Variants in KAZN observed in about 807,000 individuals in gnomAD.
KAZN encodes kazrin.
KAZN carries 40 observed loss-of-function variants against 87.4 expected under a neutral mutation model. The ratio of observed to expected loss-of-function variants is 0.46; its 90% CI spans 0.36 to 0.60. KAZN has a LOEUF of 0.60. KAZN is among the 20% of genes least tolerant of loss of function. The pLI is 0.00. For synonymous variants in KAZN, 466 were observed against 458.3 expected (o/e 1.02, Z -0.22); for missense variants, 898 against 1,073.9 (o/e 0.84, Z 2.29).
intron 2 of KAZN, among the ~76,000 whole-genome samples, chr1:14,297,243 C>A (rs975690437): frequency 6.6e-6 from 1 of 152,136 alleles, no homozygotes; most frequent in African/African-American, 2.4e-5. Flanking sequence ...CAAATCATTG[C>A]CTTGGTTAAA....
chr1:14,744,503 A>G (rs1572377858), intron 1 of KAZN, among the ~76,000 whole-genome samples: 1 of 152,054 alleles, frequency 6.6e-6, no homozygotes, highest in East Asian at 1.9e-4. Context: ...CTGAGGTAGG[A>G]CAGTCACTTG....
At chr1:14,026,044 A>T (rs1641056243) in intron 1 of KAZN, among the ~76,000 whole-genome samples, 1 of 152,196 alleles carries the variant, frequency 6.6e-6, no homozygotes, top group Non-Finnish European at 1.5e-5. Flanking sequence ...CATAATTATG[A>T]ATGTAAAACT....
intron 1 of KAZN, among the ~76,000 whole-genome samples, chr1:13,916,550 G>T (rs1467333404): frequency 6.6e-6 from 1 of 152,190 alleles, no homozygotes; most frequent in African/African-American, 2.4e-5. Context: ...GGCCAGGACG[G>T]GGTCCCTGTG....
intron 2 of KAZN, among the ~76,000 whole-genome samples, chr1:14,523,442 A>G (rs984736887): frequency 6.6e-6 from 1 of 152,152 alleles, no homozygotes; most frequent in Non-Finnish European, 1.5e-5. Context: ...CTTGTGGCCT[A>G]CCAGAGACAT....
intron 1 of KAZN, among the ~76,000 whole-genome samples, chr1:14,863,916 C>T (rs1180599492): frequency 6.6e-6 from 1 of 152,190 alleles, no homozygotes; most frequent in African/African-American, 2.4e-5. Context: ...TCCTGCAGAA[C>T]TACAGCCTGA....
chr1:14,569,399 T>A (rs1674728114), intron 2 of KAZN, among the ~76,000 whole-genome samples: 3 of 137,906 alleles, frequency 2.2e-5, no homozygotes, highest in Non-Finnish European at 4.6e-5. Context: ...CTCGGCTCAC[T>A]GCAATCTCCG....
chr1:14,526,896 C>A (rs1671896559), intron 2 of KAZN, among the ~76,000 whole-genome samples: 2 of 152,186 alleles, frequency 1.3e-5, no homozygotes, highest in Non-Finnish European at 2.9e-5. Flanking sequence ...ACAGGACAGG[C>A]CACCAGAGGA....
chr1:14,398,563 C>G (rs540943060), intron 2 of KAZN, among the ~76,000 whole-genome samples: 1 of 152,208 alleles, frequency 6.6e-6, no homozygotes, highest in South Asian at 2.1e-4. Context: ...TGGTTGATGC[C>G]CAGGTGGGAT....
chr1:14,413,603 A>G (rs1004339859), intron 2 of KAZN, among the ~76,000 whole-genome samples: 1 of 149,856 alleles, frequency 6.7e-6, no homozygotes, highest in Non-Finnish European at 1.5e-5. Context: ...GAAAAAAAAA[A>G]AAAAAAAAAA....
At chr1:14,417,993 C>CAAAAAAAAA (rs58803467) in intron 2 of KAZN, among the ~76,000 whole-genome samples, 11 of 33,814 alleles carry the variant, frequency 3.3e-4, no homozygotes, top group Non-Finnish European at 4.9e-4. Flanking sequence ...GAGACTGCCT[C>CAAAAAAAAA]AAAAAAAAAA....
intron 1 of KAZN, among the ~76,000 whole-genome samples, chr1:14,629,499 C>T (rs1182752716): frequency 6.6e-6 from 1 of 152,182 alleles, no homozygotes; most frequent in Non-Finnish European, 1.5e-5. Flanking sequence ...CTGCGAGCAC[C>T]CCAGCACGGC....
At chr1:14,882,237 A>G (rs1653416464) in intron 1 of KAZN, among the ~76,000 whole-genome samples, 1 of 152,224 alleles carries the variant, frequency 6.6e-6, no homozygotes, top group Admixed American at 6.5e-5. Context: ...TGAGCTCAGC[A>G]TGCACTCAGC....
rs111721227 is a variant in KAZN, at chr1:14,808,366, A to T, written c.227-152318A>T. Among the ~76,000 whole-genome samples the T allele has an allele frequency of 4.1e-3, 540 of 131,310 alleles. 1 individual carries two copies. The highest frequency in any genetic ancestry group is 6.3e-3 in the Non-Finnish European group (415 of 65,404). The allele number at this position is 131,310 out of a possible 152,430, so 86.1% of individuals were successfully genotyped here. A position where few individuals can be genotyped will look rare whatever the true frequency, so the allele number is the denominator to read the frequency against. ...GGCTGGAGTGCAGTGGTTCGATCTC[A>T]GTTCACCGCAACCTCTGCCTCCCGG... On this transcript the variant is annotated intron_variant, in intron 1 of 14. Coordinates refer to ENST00000376030, the MANE Select transcript of KAZN (RefSeq NM_201628.3).
intron 3 of KAZN, among the ~76,000 whole-genome samples, chr1:15,041,311 C>T (rs1672881904): frequency 6.8e-6 from 1 of 147,118 alleles, no homozygotes; most frequent in South Asian, 2.2e-4. Context: ...CCTCTGTATT[C>T]TACTCTCCGC....
chr1:14,012,505 G>A (rs990792856), intron 1 of KAZN, among the ~76,000 whole-genome samples: 3 of 152,172 alleles, frequency 2.0e-5, no homozygotes, highest in Admixed American at 6.6e-5. Flanking sequence ...AACCCTGCTT[G>A]AGAACCTACT....
At chr1:14,648,184 C>A (rs1680952641) in intron 1 of KAZN, among the ~76,000 whole-genome samples, 2 of 152,186 alleles carry the variant, frequency 1.3e-5, no homozygotes, top group South Asian at 4.1e-4. Flanking sequence ...GTAAAGATCG[C>A]AACCAAGAAA....
At chr1:15,048,336 G>A (rs766997163) in intron 4 of KAZN, among the ~76,000 whole-genome samples, 2 of 152,232 alleles carry the variant, frequency 1.3e-5, no homozygotes, top group Non-Finnish European at 2.9e-5. Context: ...GGCATTTCCT[G>A]TTAAATCCTG....
chr1:14,274,298 C>T (rs1652181227), intron 2 of KAZN, among the ~76,000 whole-genome samples: 1 of 152,170 alleles, frequency 6.6e-6, no homozygotes, highest in South Asian at 2.1e-4. Flanking sequence ...TCACCATTGC[C>T]TTAATGTTTT....
intron 1 of KAZN, among the ~76,000 whole-genome samples, chr1:14,149,488 T>C (rs566672102): frequency 1.7e-3 from 256 of 152,234 alleles, no homozygotes; most frequent in African/African-American, 5.9e-3. Flanking sequence ...CCCAAGTCTT[T>C]CCGGAGTTCT....
Sources: gnomAD v4.1 joint callset for allele counts (sites outside exome capture counted in the v4.1 genomes callset) on GRCh38, gnomAD v4.1.1 for gene constraint, MANE v1.5 for transcripts, NCBI Gene and HGNC (gene_info 2026-07-23, HGNC 2026-07-21) for gene names.